SEC14L6: variants seen among roughly 807,000 people sequenced by gnomAD.
The protein encoded by SEC14L6 is SEC14-like protein 6.
A neutral mutation model predicts 54.1 loss-of-function variants in SEC14L6; 40 were observed. The observed-to-expected ratio is 0.74, with a 90% CI of 0.57 to 0.96. The LOEUF is 0.96. Ranked by LOEUF, SEC14L6 falls within the 40% of genes least tolerant of loss-of-function variation. The pLI is 0.00. For synonymous variants in SEC14L6, 171 were observed against 198.4 expected (o/e 0.86, Z 1.16); for missense variants, 471 against 498.3 (o/e 0.95, Z 0.52).
chr22:30,538,316 G>C (rs543289693), intron 2 of SEC14L6, among the ~76,000 whole-genome samples: 1 of 149,578 alleles, frequency 6.7e-6, no homozygotes, highest in South Asian at 2.1e-4. Context: ...CTGGGCAACA[G>C]AGTGGGACTC....
intron 1 of SEC14L6, among the ~76,000 whole-genome samples, chr22:30,545,538 G>C (rs538536909): frequency 2.2e-4 from 33 of 152,190 alleles, no homozygotes; most frequent in Non-Finnish European, 3.7e-4. Context: ...GGGACTACAG[G>C]CATGGGCCAC....
At chr22:30,542,455 G>T in intron 1 of SEC14L6, 1 of 511,300 alleles carries the variant, frequency 2.0e-6, no homozygotes, top group South Asian at 3.4e-5. Context: ...TAGCCAGCTC[G>T]CAGCGCTGAC....
chr22:30,536,566 A>G (rs868856630), intron 2 of SEC14L6, among the ~76,000 whole-genome samples: 2 of 152,200 alleles, frequency 1.3e-5, no homozygotes, highest in South Asian at 4.1e-4. Context: ...TTGGCCTCTA[A>G]TGTCAGACTG....
rs2085746140 is a variant in SEC14L6, at chr22:30,542,734, T to G, written c.55-3832A>C. The G allele has an allele frequency of 2.5e-6, 4 of 1,574,270 alleles. No homozygotes were observed. The East Asian group carries it at 6.7e-5, about 27-fold the overall frequency. On this transcript the variant is annotated intron_variant, in intron 1 of 11. Coordinates refer to ENST00000402034, the MANE Select transcript of SEC14L6 (RefSeq NM_001193336.4). ...AGCTGGAGAGTCGGCCGCTCTGCAG[T>G]GCACTGTGACCTCCCTGAACCCTGT...
At chr22:30,541,655 C>T (rs372196098) in intron 1 of SEC14L6, among the ~76,000 whole-genome samples, 5 of 150,992 alleles carry the variant, frequency 3.3e-5, no homozygotes, top group African/African-American at 7.3e-5. Context: ...CAGACTCCAT[C>T]TCAAAAAAGA....
At position 30,531,927 on chromosome 22, in the gene SEC14L6, C is replaced by T. The variant is rs1452972649; in HGVS notation, c.495G>A (p.Lys165=). Residue 165 remains lysine, a synonymous_variant, in exon 6 of 12, where the codon AAG becomes AAA. Transcript: ENST00000402034. ...LEGLGLRDLW[K]PGIELLQEFF... is the part of the protein sequence containing the mutation. ...CCTCCTGGAGAAGCTCTATTCCTGGCTTCCACAGATCCCTCAGGCCCAGCC... is the reference window on the plus strand; with the variant it reads ...CCTCCTGGAGAAGCTCTATTCCTGGTTTCCACAGATCCCTCAGGCCCAGCC... 1 of 1,550,790 alleles carries T rather than the reference C, an allele frequency of 6.4e-7. No individual in the cohort carries two copies. Among genetic ancestry groups the T allele is most frequent in the Non-Finnish European group, 8.7e-7 (1 of 1,147,010 alleles).
chr22:30,543,985 C>T lies in SEC14L6; in HGVS notation c.54+2644G>A, dbSNP rs369036212. On this transcript the variant is annotated intron_variant, in intron 1 of 11. Transcript: ENST00000402034. ...GGAGGACACCCTCACCTATGCTGAC[C>T]TGGACATGGTGCACCTCAACCGGAC... The T allele has an allele frequency of 6.9e-5, 111 of 1,602,810 alleles. 1 individual carries two copies. In the East Asian group the frequency reaches 1.1e-3, roughly 15 times the overall value.
Position 30,524,717 on chromosome 22 carries a change from G to A in SEC14L6, c.*280C>T, listed in dbSNP as rs755722748. On this transcript the variant is annotated 3_prime_UTR_variant, in exon 12 of 12. Coordinates refer to ENST00000402034, the MANE Select transcript of SEC14L6 (RefSeq NM_001193336.4). ...GAAGAGTAACTTATTTCTTGGTATT[G>A]GTTGATAGAAAAAAGCCTGGGGTTT... is the stretch of plus-strand genomic sequence containing the variant. The A allele has an allele frequency of 1.2e-4, 41 of 335,008 alleles. No individual in the cohort carries two copies. Among genetic ancestry groups the A allele is most frequent in the Admixed American group, 3.3e-4 (8 of 23,962 alleles). The allele number at this position is 335,008 out of a possible 1,614,324, so 20.8% of individuals were successfully genotyped here.
chr22:30,528,716 G>A (rs1271870420), intron 8 of SEC14L6, among the ~76,000 whole-genome samples: 1 of 152,108 alleles, frequency 6.6e-6, no homozygotes, highest in Non-Finnish European at 1.5e-5. Flanking sequence ...GAGCCACTGT[G>A]TGCCGCCAAA....
rs756020726 is a variant in SEC14L6 at position 30,525,927 on chromosome 22, A to G, written c.670T>C (p.Trp224Arg). 8.1e-6 allele frequency: 13 copies of G among 1,604,082 alleles called. No individual in the cohort carries two copies. The highest frequency in any genetic ancestry group is 1.0e-5 in the Non-Finnish European group (12 of 1,174,632). ...RRKVVILGDN[W>R]KQELTKFISP... ...ATGAATTTTGTCAGCTCCTGCTTCC[A>G]GTTGTCTGCATGGGAGCAAGAGAGG... The change falls in exon 9 of 12, where the codon TGG becomes CGG. Residue 224 changes from tryptophan to arginine, a missense_variant. By Grantham distance (101) the Trp-to-Arg change is moderately radical. Transcript: ENST00000402034.
chr22:30,531,679 A>G (rs8138569), intron 6 of SEC14L6, among the ~76,000 whole-genome samples: 56,694 of 152,090 alleles, frequency 0.37, 10,998 homozygotes, highest in African/African-American at 0.47. Flanking sequence ...AGCCGAGATC[A>G]CGCCATTGCA....
At chr22:30,546,404 AAAGG>A (rs1568978180) in intron 1 of SEC14L6, among the ~76,000 whole-genome samples, 1 of 151,202 alleles carries the variant, frequency 6.6e-6, no homozygotes, top group East Asian at 1.9e-4. Context: ...AAAAAAAAAA[AAAGG>A]AAGAAAGAAA....
chr22:30,544,828 C>A (rs1485472292), intron 1 of SEC14L6, among the ~76,000 whole-genome samples: 3 of 152,144 alleles, frequency 2.0e-5, no homozygotes, highest in Admixed American at 2.0e-4. Context: ...CTGTGGGTGC[C>A]TGTAAATTAC....
chr22:30,527,392 T>A (rs73394239), intron 8 of SEC14L6, among the ~76,000 whole-genome samples: 5,380 of 151,968 alleles, frequency 0.035, 137 homozygotes, highest in African/African-American at 0.065. Context: ...AATAACCCAA[T>A]GTAAAATAAT....
intron 6 of SEC14L6, among the ~76,000 whole-genome samples, chr22:30,529,769 G>A (rs574014068): frequency 6.6e-6 from 1 of 152,076 alleles, no homozygotes; most frequent in Non-Finnish European, 1.5e-5. Flanking sequence ...ACAGATGAGT[G>A]GGGGGATAAC....
At chr22:30,534,404 C>T (rs1182369327) in intron 2 of SEC14L6, among the ~76,000 whole-genome samples, 3 of 135,772 alleles carry the variant, frequency 2.2e-5, no homozygotes, top group Non-Finnish European at 4.7e-5. Flanking sequence ...TTAATTTTTA[C>T]TTAAAAAAAA....
chr22:30,545,220 A>T (rs139006583), intron 1 of SEC14L6, among the ~76,000 whole-genome samples: 1 of 152,144 alleles, frequency 6.6e-6, no homozygotes, highest in African/African-American at 2.4e-5. Flanking sequence ...TGCCTCCTCC[A>T]GCTCATAGCT....
chr22:30,525,781 G>A (rs769310358), intron 9 of SEC14L6, 31 bp from the exon 10 acceptor site: 64 of 1,613,606 alleles, frequency 4.0e-5, no homozygotes, highest in South Asian at 8.8e-5. Context: ...TGGGCACTAG[G>A]TCACAGCTTC....
At position 30,543,079 on chromosome 22, in the gene SEC14L6, G is replaced by A. The variant is rs2085754000; in HGVS notation, c.54+3550C>T. 4.4e-6 allele frequency: 7 copies of A among 1,599,138 alleles called. No individual in the cohort carries two copies. The East Asian group carries it at 6.7e-5, about 15-fold the overall frequency. ...TGACCACACAGTGAGCTTCACCTGC[G>A]AGTCTCATGGCTTCTCACCCAGAGA... is the stretch of plus-strand genomic sequence containing the variant. On this transcript the variant is annotated intron_variant, in intron 1 of 11. Coordinates refer to ENST00000402034, the MANE Select transcript of SEC14L6 (RefSeq NM_001193336.4).
Sources: gnomAD v4.1 joint callset for allele counts (sites outside exome capture counted in the v4.1 genomes callset) on GRCh38, gnomAD v4.1.1 for gene constraint, MANE v1.5 for transcripts, NCBI Gene and HGNC (gene_info 2026-07-23, HGNC 2026-07-21) for gene names.